The following PACSIN2 variants were observed in gnomAD, a reference collection of about 807,000 sequenced individuals.
The protein encoded by PACSIN2 is protein kinase C and casein kinase substrate in neurons protein 2.
Under a neutral mutation model 63.8 loss-of-function variants are expected in PACSIN2, and 25 were observed. The observed-to-expected ratio is 0.39, with a 90% confidence interval of 0.29 to 0.55. PACSIN2 has a LOEUF of 0.55. Ranked by LOEUF, PACSIN2 falls within the 20% of genes least tolerant of loss-of-function variation. The probability of loss-of-function intolerance (pLI) is 0.62; values close to 1 mark genes in which losing one functional copy is unlikely to be tolerated. For missense variants in PACSIN2, 518 were observed against 646.9 expected, an observed-to-expected ratio of 0.80 and a Z score of 2.16; for synonymous variants, 255 against 256.2, an observed-to-expected ratio of 1.00 and a Z score of 0.05.
intron 1 of PACSIN2, among the ~76,000 whole-genome samples, chr22:42,928,637 C>T (rs1932684316): frequency 1.3e-5 from 2 of 152,040 alleles, no homozygotes; most frequent in African/African-American, 2.4e-5. Context: ...TGAAGTACAC[C>T]CCAAAATAGT....
intron 1 of PACSIN2, among the ~76,000 whole-genome samples, chr22:42,985,093 C>T (rs1357388356): frequency 2.0e-5 from 3 of 152,166 alleles, no homozygotes; most frequent in African/African-American, 7.2e-5. Context: ...CTTTGGGAGG[C>T]CAAGGTGAGA....
chr22:42,882,598 A>G (rs1929166838), intron 6 of PACSIN2, among the ~76,000 whole-genome samples: 1 of 152,172 alleles, frequency 6.6e-6, no homozygotes, highest in Non-Finnish European at 1.5e-5. Context: ...GTGGGCCACC[A>G]CTCTGTGTGG....
rs117923688 is a variant in PACSIN2, at chr22:42,891,165, C to T, written c.235G>A (p.Val79Met). Residue 79 changes from valine to methionine, a missense_variant, in exon 4 of 11, where the codon GTG becomes ATG. Around this residue, in one of 2 missense-constraint regions of PACSIN2, gnomAD observed 507 missense variants for 612.3 expected, o/e 0.83. Coordinates refer to ENST00000263246, the MANE Select transcript of PACSIN2 (RefSeq NM_001184970.3). ...ATGAAGGCCATCCAGGCCTTCTCCA[C>T]GGTCCCGTACTGGGGCCCTGTGCAG... ...LVEKGPQYGT[V>M]EKAWMAFMSE... is the part of the protein sequence containing the mutation. 190 of 1,613,518 alleles carry T rather than the reference C, an allele frequency of 1.2e-4. No individual in the cohort carries two copies. In the East Asian group the frequency reaches 3.6e-3, roughly 31 times the overall value.
chr22:42,961,956 C>T (rs891847166), intron 1 of PACSIN2, among the ~76,000 whole-genome samples: 5 of 152,150 alleles, frequency 3.3e-5, no homozygotes, highest in Non-Finnish European at 5.9e-5. Flanking sequence ...TTCACTATAT[C>T]CTGTGGTTGG....
At position 42,950,970 on chromosome 22, in the gene PACSIN2, G is replaced by A. The variant is rs141571691; in HGVS notation, c.-77-38813C>T. On this transcript the variant is annotated intron_variant, in intron 1 of 10. Transcript: ENST00000263246. ...GGGGAAAGCATGAAGCCAAGTGGGG[G>A]ACAGAGAGTGACAGGGTCTACCTGG... Among the ~76,000 whole-genome samples the A allele has an allele frequency of 3.1e-3, 470 of 152,262 alleles. 3 individuals are homozygous for A. The highest frequency in any genetic ancestry group is 0.011 in the African/African-American group (463 of 41,548).
chr22:42,974,359 CA>C (rs1378716246), intron 1 of PACSIN2, among the ~76,000 whole-genome samples: 2 of 152,300 alleles, frequency 1.3e-5, no homozygotes, highest in South Asian at 2.1e-4. Context: ...TACTTCTAAA[CA>C]GTAGGGAAGG....
At chr22:42,996,502 A>C (rs1923410002) in intron 1 of PACSIN2, among the ~76,000 whole-genome samples, 1 of 148,156 alleles carries the variant, frequency 6.7e-6, no homozygotes, top group African/African-American at 2.5e-5. Context: ...ACTGCACTCC[A>C]GCCTGGGTGA....
intron 1 of PACSIN2, among the ~76,000 whole-genome samples, chr22:42,979,944 C>T (rs5759071): frequency 0.62 from 93,721 of 152,030 alleles, 29,615 homozygotes; most frequent in East Asian, 0.78. Context: ...TACACATACG[C>T]ACATACATAC....
At chr22:42,984,221 C>G (rs1922449228) in intron 1 of PACSIN2, among the ~76,000 whole-genome samples, 1 of 151,990 alleles carries the variant, frequency 6.6e-6, no homozygotes, top group African/African-American at 2.4e-5. Flanking sequence ...ATCTGCCTGT[C>G]CCAGCCTCCC....
chr22:42,883,963 C>T (rs976324540), intron 6 of PACSIN2, among the ~76,000 whole-genome samples: 6 of 151,668 alleles, frequency 4.0e-5, no homozygotes, highest in Admixed American at 1.3e-4. Context: ...ACTGAGATCA[C>T]GCCACTGCAC....
At chr22:42,925,032 CTG>C (rs1932448129) in intron 1 of PACSIN2, among the ~76,000 whole-genome samples, 1 of 151,898 alleles carries the variant, frequency 6.6e-6, no homozygotes, top group African/African-American at 2.4e-5. Flanking sequence ...GCGTGAGCCA[CTG>C]CGTCCGGCCC....
chr22:43,002,457 G>C (rs1923831225), intron 1 of PACSIN2: 1 of 152,096 alleles, frequency 6.6e-6, no homozygotes, highest in Non-Finnish European at 1.5e-5. Flanking sequence ...ACCAATTCAA[G>C]TAAAATGATA....
intron 1 of PACSIN2, among the ~76,000 whole-genome samples, chr22:42,942,493 C>A (rs1432302693): frequency 1.3e-5 from 2 of 152,006 alleles, no homozygotes; most frequent in Non-Finnish European, 2.9e-5. Flanking sequence ...CTTATTATGA[C>A]TAATTTTTTT....
At position 42,884,462 on chromosome 22, in the gene PACSIN2, C is replaced by T. The variant is rs1281268602; in HGVS notation, c.709G>A (p.Glu237Lys). ...EQVFEQCQQF[E>K]EKRLRFFREV... ...CGGAAGAAGCGAAGGCGTTTCTCCTCGAACTGCTGGCACTGCTCAAACACC... is the reference window on the plus strand; with the variant it reads ...CGGAAGAAGCGAAGGCGTTTCTCCTTGAACTGCTGGCACTGCTCAAACACC... The change falls in exon 6 of 11, where the codon GAG (glutamate) becomes AAG (lysine). Residue 237 changes from glutamate to lysine, a missense_variant. Glu to Lys is a moderately conservative substitution (Grantham distance 56). This residue lies in a region of PACSIN2 where 507 missense variants were observed against 612.3 expected (regional missense o/e 0.83). Transcript: ENST00000263246. 1.2e-6 allele frequency: 2 copies of T among 1,614,212 alleles called. No homozygotes were observed. The highest frequency in any genetic ancestry group is 1.7e-6 in the Non-Finnish European group (2 of 1,180,018).
chr22:42,876,826 G>A, intron 9 of PACSIN2, 62 bp downstream of exon 9: 1 of 1,605,454 alleles, frequency 6.2e-7, no homozygotes, highest in East Asian at 2.2e-5. Context: ...CCCCTGGACA[G>A]AGAGAGAGGA....
At chr22:43,012,874 G>C (rs1301703111) in intron 1 of PACSIN2, among the ~76,000 whole-genome samples, 1 of 152,032 alleles carries the variant, frequency 6.6e-6, no homozygotes, top group Non-Finnish European at 1.5e-5. Context: ...AGCTGGTCTC[G>C]AACTCCCGAC....
At chr22:43,002,173 A>G (rs778746324) in intron 1 of PACSIN2, 1 of 152,240 alleles carries the variant, frequency 6.6e-6, no homozygotes, top group Non-Finnish European at 1.5e-5. Context: ...TGAGAGCAGC[A>G]TCTAGAAGCT....
At chr22:42,992,957 A>G (rs1425303847) in intron 1 of PACSIN2, among the ~76,000 whole-genome samples, 1 of 152,182 alleles carries the variant, frequency 6.6e-6, no homozygotes, top group Non-Finnish European at 1.5e-5. Context: ...CGAGCTCAGG[A>G]GTTTGAGACC....
chr22:42,948,127 T>C (rs532790231), intron 1 of PACSIN2, among the ~76,000 whole-genome samples: 1 of 152,228 alleles, frequency 6.6e-6, no homozygotes, highest in East Asian at 1.9e-4. Flanking sequence ...GAGGAACCTG[T>C]GTGACAAAGG....
Sources: gnomAD v4.1 joint callset for allele counts (sites outside exome capture counted in the v4.1 genomes callset) on GRCh38, gnomAD v4.1.1 for gene constraint, gnomAD v4.1.1 regional missense constraint, MANE v1.5 for transcripts, NCBI Gene and HGNC (gene_info 2026-07-23, HGNC 2026-07-21) for gene names.